The following GREB1 variants were observed in gnomAD, a reference collection of about 807,000 sequenced individuals.
The protein encoded by GREB1 is protein GREB1.
GREB1 carries 106 observed loss-of-function variants against 200.7 expected under a neutral mutation model. That is an observed-to-expected ratio of 0.53 (90% CI 0.45 to 0.62). GREB1 has a LOEUF of 0.62. Among genes scored for constraint, GREB1 ranks in the 20% least tolerant of loss-of-function variants. The pLI is 0.00. For synonymous variants in GREB1, 1,132 were observed against 1,092.4 expected (o/e 1.04, Z -0.72); for missense variants, 2,243 against 2,556.8 (o/e 0.88, Z 2.65).
At chr2:11,520,199 G>T (rs1273772043) in intron 1 of GREB1, among the ~76,000 whole-genome samples, 1 of 152,188 alleles carries the variant, frequency 6.6e-6, no homozygotes, top group African/African-American at 2.4e-5. Flanking sequence ...CTTGTTTTAA[G>T]CTCTTTTTAT....
intron 1 of GREB1, among the ~76,000 whole-genome samples, chr2:11,525,143 G>A (rs1252990312): frequency 1.3e-5 from 2 of 152,114 alleles, no homozygotes; most frequent in African/African-American, 2.4e-5. Context: ...TTATTGATAC[G>A]TGAGGTGCTT....
At chr2:11,488,827 C>G (rs1157859816) in intron 1 of GREB1, among the ~76,000 whole-genome samples, 1 of 144,806 alleles carries the variant, frequency 6.9e-6, no homozygotes, top group Non-Finnish European at 1.5e-5. Context: ...AAAGGAATTA[C>G]CAGATAAAAT....
intron 1 of GREB1, among the ~76,000 whole-genome samples, chr2:11,504,938 A>T (rs1189055976): frequency 1.3e-5 from 2 of 151,940 alleles, no homozygotes; most frequent in Admixed American, 6.6e-5. Flanking sequence ...CATTTAATTT[A>T]ATTTTATTTT....
rs1558640865 is a variant in GREB1 at position 11,616,730 on chromosome 2, C to G, written c.3412+10C>G. ...TCCTCCAAGGCTTCCGGTGAGTCTT[C>G]CCACACGGGAAGGACCAGACCAGCA... is the stretch of plus-strand genomic sequence containing the variant. On this transcript the variant is annotated intron_variant, in intron 21 of 32. Coordinates refer to ENST00000381486, the MANE Select transcript of GREB1 (RefSeq NM_014668.4). 6.4e-7 allele frequency: 1 copy of G among 1,564,742 alleles called. No homozygotes were observed. Among genetic ancestry groups the G allele is most frequent in the African/African-American group, 1.4e-5 (1 of 73,950 alleles).
At position 11,633,150 on chromosome 2, in the gene GREB1, C is replaced by T. The variant is rs1685023642; in HGVS notation, c.4991+87C>T. 1 of 1,306,482 alleles carries T rather than the reference C, an allele frequency of 7.7e-7. No homozygotes were observed. Among genetic ancestry groups the T allele is most frequent in the African/African-American group, 1.4e-5 (1 of 69,184 alleles). The allele number at this position is 1,306,482 out of a possible 1,614,324, so 80.9% of individuals were successfully genotyped here. A position where few individuals can be genotyped will look rare whatever the true frequency, so the allele number is the denominator to read the frequency against. On this transcript the variant is annotated intron_variant, in intron 28 of 32. Coordinates refer to ENST00000381486, the MANE Select transcript of GREB1 (RefSeq NM_014668.4). The surrounding 1 kb of genome is among the most constrained non-coding windows in gnomAD (Gnocchi z 4.1). The stretch of plus-strand genomic sequence containing the variant: ...CTCTTTGTATGGGGAATGTGCCCAC[C>T]CCTGGAAGACCGGAGGGCCTCTCAT...
At position 11,492,873 on chromosome 2, in the gene GREB1, C is replaced by T. The variant is rs1216653482; in HGVS notation, c.-159+10492C>T. 6.6e-6 allele frequency among the ~76,000 whole-genome samples: 1 copy of T among 152,146 alleles called. No homozygotes were observed. The highest frequency in any genetic ancestry group is 1.5e-5 in the Non-Finnish European group (1 of 68,034). On this transcript the variant is annotated intron_variant, in intron 1 of 2. Coordinates refer to the GREB1 transcript ENST00000628795. This position sits in a 1 kb window ranked among gnomAD's most constrained non-coding sequence, Gnocchi z 4.0. ...AGGGTGTGCCCTAGGAAAATGGCTC[C>T]TTATCTGCTGGGGGCTGGTCACAGC...
chr2:11,603,632 G>A (rs1015955377), intron 17 of GREB1, among the ~76,000 whole-genome samples: 9 of 152,172 alleles, frequency 5.9e-5, no homozygotes, highest in East Asian at 1.9e-4. Flanking sequence ...GATACTGTTC[G>A]GTTCTGTGAT....
intron 1 of GREB1, among the ~76,000 whole-genome samples, chr2:11,554,622 T>A (rs1676254447): frequency 6.6e-6 from 1 of 152,230 alleles, no homozygotes; most frequent in Admixed American, 6.5e-5. Context: ...TATTCTGTGG[T>A]CATTTCAGTG....
rs753891048 is a variant in GREB1 at position 11,612,532 on chromosome 2, A to C, written c.3044A>C (p.Gln1015Pro). The change falls in exon 19 of 33, where the codon CAG (glutamine) becomes CCG (proline). Residue 1015 changes from glutamine to proline, a missense_variant. By Grantham distance (76) the Gln-to-Pro change is moderately conservative. Coordinates refer to ENST00000381486, the MANE Select transcript of GREB1 (RefSeq NM_014668.4). ...ATTGAGGATGTGGAGTGGAGACCCC[A>C]GACTTACTTGGAGCTGGAGGGTCTG... ...QKIEDVEWRP[Q>P]TYLELEGLPC... is the part of the protein sequence containing the mutation. 3 of 1,613,032 alleles carry C rather than the reference A, an allele frequency of 1.9e-6. No individual in the cohort carries two copies. In the Admixed American group the frequency reaches 5.0e-5, roughly 27 times the overall value.
intron 12 of GREB1, 113 bp from the exon 13 acceptor site, chr2:11,595,998 C>A: frequency 9.6e-7 from 1 of 1,037,750 alleles, no homozygotes; most frequent in Non-Finnish European, 1.4e-6. Context: ...ATGTCCTCCT[C>A]TTTACCTTCA....
rs994523834 is a variant in GREB1, at chr2:11,585,776, T to C, written c.1030T>C (p.Ser344Pro). 31 of 1,613,106 alleles carry C rather than the reference T, an allele frequency of 1.9e-5. No homozygotes were observed. Among genetic ancestry groups the C allele is most frequent in the Non-Finnish European group, 2.6e-5 (31 of 1,180,028 alleles). ...GGTGTTCCTAGAGAGCGCAGGCATG[T>C]CCTGCGTGCCGCAGGTTGGCTTGGT... Reference protein sequence around the residue: ...NRAKYESAGMSCVPQVGLVGP... With the variant: ...NRAKYESAGMPCVPQVGLVGP... Residue 344 changes from serine (S) to proline (P), a missense_variant, in exon 9 of 33, where the codon TCC becomes CCC. Physicochemically the swap from Ser to Pro is moderately conservative, Grantham distance 74 (BLOSUM62 -1). Coordinates refer to ENST00000381486, the MANE Select transcript of GREB1 (RefSeq NM_014668.4).
At chr2:11,589,436 T>C (rs1680509066) in intron 10 of GREB1, among the ~76,000 whole-genome samples, 1 of 151,998 alleles carries the variant, frequency 6.6e-6, no homozygotes, top group Non-Finnish European at 1.5e-5. Flanking sequence ...AGGTGAGTGC[T>C]GTGAGGTGGA....
chr2:11,623,277 A>G (rs1442494134), intron 23 of GREB1, among the ~76,000 whole-genome samples: 1 of 152,256 alleles, frequency 6.6e-6, no homozygotes, highest in Non-Finnish European at 1.5e-5. Flanking sequence ...TAGCACATGC[A>G]ATTATGTACA....
At chr2:11,562,758 TGCCC>T in intron 3 of GREB1, 176 bp downstream of exon 3, 1 of 605,690 alleles carries the variant, frequency 1.7e-6, no homozygotes. Context: ...TGGCCCGGCC[TGCCC>T]TCCTGAAACA....
chr2:11,618,337 G>C lies in GREB1; in HGVS notation c.3462G>C (p.Gln1154His), dbSNP rs1045105682. The change falls in exon 22 of 33, where the codon CAG (glutamine) becomes CAC (histidine). Residue 1154 changes from glutamine (Q) to histidine (H), a missense_variant. Around this residue, in one of 3 missense-constraint regions of GREB1, gnomAD observed 587 missense variants for 553.1 expected, o/e 1.06. Transcript: ENST00000381486. ...ESSAQPTALPQGEHARSPQPR... is the reference protein window; with the variant it reads ...ESSAQPTALPHGEHARSPQPR... ...CGGCTCAGCCCACAGCACTCCCCCA[G>C]GGAGAGCATGCCAGGTCGCCCCAGC... 4.3e-5 allele frequency: 69 copies of C among 1,605,658 alleles called. No homozygotes were observed. The highest frequency in any genetic ancestry group is 5.8e-5 in the Non-Finnish European group (68 of 1,175,356).
intron 10 of GREB1, chr2:11,591,337 T>C (rs1680708782): frequency 1.4e-6 from 1 of 724,770 alleles, no homozygotes. Context: ...CAGCTGGTGC[T>C]GGGTAGAGCT....
chr2:11,547,606 C>T (rs906559977), intron 1 of GREB1, among the ~76,000 whole-genome samples: 2 of 152,088 alleles, frequency 1.3e-5, no homozygotes, highest in Non-Finnish European at 2.9e-5. Flanking sequence ...TATAAATATA[C>T]ACACAGTCTA....
chr2:11,583,854 T>C (rs1424140138), intron 7 of GREB1, among the ~76,000 whole-genome samples: 3 of 151,754 alleles, frequency 2.0e-5, no homozygotes, highest in Non-Finnish European at 4.4e-5. Flanking sequence ...AGCGAGACTC[T>C]GTCTCGAAAA....
At chr2:11,487,799 C>G (rs553211661) in intron 1 of GREB1, among the ~76,000 whole-genome samples, 1 of 152,130 alleles carries the variant, frequency 6.6e-6, no homozygotes, top group African/African-American at 2.4e-5. Context: ...AAATCCAAGA[C>G]ATTATATCAT....
Sources: allele counts gnomAD v4.1 joint callset (sites outside exome capture counted in the v4.1 genomes callset), GRCh38; gene constraint gnomAD v4.1.1; regional missense constraint gnomAD v4.1.1; non-coding constraint Gnocchi (gnomAD v3.1); transcripts MANE v1.5; gene names NCBI Gene and HGNC (gene_info 2026-07-23, HGNC 2026-07-21).